The following HHIP variants were observed in gnomAD, a reference collection of about 807,000 sequenced individuals.
HHIP encodes the protein hedgehog interacting protein.
In HHIP, 12 loss-of-function variants were observed where a neutral mutation model predicts 74.0. That is an observed-to-expected ratio of 0.16 (90% CI 0.10 to 0.26). The LOEUF (loss-of-function observed/expected upper bound fraction) is 0.26. Ranked by LOEUF, HHIP falls within the 10% of genes least tolerant of loss-of-function variation. HHIP has a pLI of 1.00. For synonymous variants in HHIP, 309 were observed against 311.6 expected, an observed-to-expected ratio of 0.99 and a Z score of 0.09; for missense variants, 788 against 845.0, an observed-to-expected ratio of 0.93 and a Z score of 0.84.
chr4:144,731,175 CAT>C (rs777305392), intron 11 of HHIP, among the ~76,000 whole-genome samples: 1 of 152,052 alleles, frequency 6.6e-6, no homozygotes, highest in Non-Finnish European at 1.5e-5. Flanking sequence ...CTGAATGGCC[CAT>C]ATTTTCCTAA....
chr4:144,717,725 G>A (rs1730497590), intron 10 of HHIP, among the ~76,000 whole-genome samples: 1 of 151,972 alleles, frequency 6.6e-6, no homozygotes, highest in Non-Finnish European at 1.5e-5. Context: ...AGTTGAGACT[G>A]AGCATCAAGG....
chr4:144,708,707 G>A (rs755542218), intron 7 of HHIP, among the ~76,000 whole-genome samples: 3 of 152,088 alleles, frequency 2.0e-5, no homozygotes, highest in African/African-American at 4.8e-5. Flanking sequence ...ATTACATGGC[G>A]GTGATAATAA....
intron 12 of HHIP, 57 bp downstream of exon 12, chr4:144,734,946 T>G (rs887268422): frequency 7.2e-5 from 106 of 1,479,630 alleles, no homozygotes; most frequent in Non-Finnish European, 8.9e-5. Flanking sequence ...CCTTAGGTAC[T>G]CAAGAACTCA....
intron 11 of HHIP, among the ~76,000 whole-genome samples, chr4:144,731,375 T>C (rs1414180335): frequency 3.9e-5 from 6 of 152,148 alleles, no homozygotes; most frequent in Non-Finnish European, 8.8e-5. Context: ...TCAGAGAGTG[T>C]ATTTGAGAAA....
chr4:144,687,020 T>G (rs556537741), intron 4 of HHIP, among the ~76,000 whole-genome samples: 2 of 151,980 alleles, frequency 1.3e-5, no homozygotes, highest in African/African-American at 4.8e-5. Context: ...AAATAAATCA[T>G]CAAGTCTTCA....
chr4:144,665,316 G>C (rs1220996406), intron 4 of HHIP, among the ~76,000 whole-genome samples: 2 of 152,150 alleles, frequency 1.3e-5, no homozygotes, highest in African/African-American at 4.8e-5. Context: ...CAATGCACCT[G>C]CCTCAGCCTC....
chr4:144,715,173 T>G (rs1028592050), intron 9 of HHIP, 127 bp from the exon 10 acceptor site: 1 of 803,980 alleles, frequency 1.2e-6, no homozygotes, highest in African/African-American at 1.7e-5. Context: ...CTATGTTATT[T>G]TTCCCTTTAG....
intron 4 of HHIP, among the ~76,000 whole-genome samples, chr4:144,697,874 AC>A (rs879663414): frequency 2.0e-5 from 3 of 152,094 alleles, no homozygotes; most frequent in Non-Finnish European, 4.4e-5. Flanking sequence ...CACTTCCAAT[AC>A]GTCCAATATC....
Position 144,738,382 on chromosome 4 carries a change from G to A in HHIP, c.*425G>A, listed in dbSNP as rs1455498365. The A allele has an allele frequency of 1.7e-5, 17 of 973,134 alleles. No homozygotes were observed. The highest frequency in any genetic ancestry group is 2.1e-5 in the Non-Finnish European group (17 of 818,582). 60.3% of individuals were successfully genotyped at this position (973,134 alleles called of 1,614,324 possible). Reference sequence around the variant, plus strand: ...ATCCGATGGATCTAATTAAAAAAAAGGCAATATTTTTATATTAAAGTACTA... The same window carrying A: ...ATCCGATGGATCTAATTAAAAAAAAAGCAATATTTTTATATTAAAGTACTA... On this transcript the variant is annotated 3_prime_UTR_variant, in exon 13 of 13. Coordinates refer to ENST00000296575, the MANE Select transcript of HHIP (RefSeq NM_022475.3).
chr4:144,712,027 G>C lies in HHIP; in HGVS notation c.1379G>C (p.Arg460Thr), dbSNP rs1467612070. The C allele has an allele frequency of 6.2e-7, 1 of 1,612,436 alleles. No homozygotes were observed. The highest frequency in any genetic ancestry group is 8.5e-7 in the Non-Finnish European group (1 of 1,178,654). The change falls in exon 8 of 13, where the codon AGA (arginine) becomes ACA (threonine). Residue 460 changes from arginine (R) to threonine (T), a missense_variant. Around this residue, in one of 3 missense-constraint regions of HHIP, gnomAD observed 343 missense variants for 347.9 expected, o/e 0.99. Coordinates refer to ENST00000296575, the MANE Select transcript of HHIP (RefSeq NM_022475.3). ...ILCSDSNGKN[R>T]SSARILQIIK... ...TGTTCAGACTCCAATGGAAAAAACAGATCATCAGCCAGAATTCTACAGATA... is the reference window on the plus strand; with the variant it reads ...TGTTCAGACTCCAATGGAAAAAACACATCATCAGCCAGAATTCTACAGATA...
chr4:144,675,064 T>C (rs1319589431), intron 4 of HHIP, among the ~76,000 whole-genome samples: 3 of 152,198 alleles, frequency 2.0e-5, no homozygotes, highest in African/African-American at 7.2e-5. Context: ...TAACCACAAT[T>C]TTGTTGTTTA....
chr4:144,692,038 C>T (rs532059074), intron 4 of HHIP, among the ~76,000 whole-genome samples: 9 of 152,160 alleles, frequency 5.9e-5, no homozygotes, highest in African/African-American at 2.2e-4. Context: ...ATTGCTCCTC[C>T]CACCCATCCC....
At chr4:144,728,509 A>T (rs1384516672) in intron 11 of HHIP, among the ~76,000 whole-genome samples, 1 of 152,222 alleles carries the variant, frequency 6.6e-6, no homozygotes. Context: ...TTTATAAGGT[A>T]TATAAATTCA....
intron 4 of HHIP, among the ~76,000 whole-genome samples, chr4:144,700,850 C>T (rs1200613137): frequency 2.0e-5 from 3 of 152,162 alleles, no homozygotes; most frequent in Admixed American, 6.6e-5. Flanking sequence ...GGTAAATTTT[C>T]ATAGCAGCAA....
At chr4:144,737,718 A>G (rs1172335364) in intron 12 of HHIP, 46 bp from the exon 13 acceptor site, 7 of 1,495,602 alleles carry the variant, frequency 4.7e-6, no homozygotes, top group Non-Finnish European at 6.3e-6. Flanking sequence ...CCTGTTTCTG[A>G]CATACAGAAT....
chr4:144,665,412 C>A (rs1560697583), intron 4 of HHIP, among the ~76,000 whole-genome samples: 1 of 152,182 alleles, frequency 6.6e-6, no homozygotes, highest in Non-Finnish European at 1.5e-5. Context: ...GTAGTAATGG[C>A]ATGGCTTTTA....
In HHIP at chr4:144,684,044, CAG is replaced by C. The variant is rs776532788; in HGVS notation, c.832-22484_832-22483del. Among the ~76,000 whole-genome samples, 192 of 145,950 alleles carry C rather than the reference CAG, an allele frequency of 1.3e-3. 1 individual carries two copies. Among genetic ancestry groups the C allele is most frequent in the Middle Eastern group, 3.5e-3 (1 of 282 alleles). On this transcript the variant is annotated intron_variant, in intron 4 of 12. Transcript: ENST00000296575. ...CACCACTGCACTCCAGCCTGAGCGA[CAG>C]AGTGAGACTCCGTCTAAAAAAAAAA...
chr4:144,698,285 C>T (rs1310151485), intron 4 of HHIP, among the ~76,000 whole-genome samples: 1 of 152,140 alleles, frequency 6.6e-6, no homozygotes, highest in Non-Finnish European at 1.5e-5. Flanking sequence ...TGCAGTTATG[C>T]ACTGCATAAA....
intron 4 of HHIP, among the ~76,000 whole-genome samples, chr4:144,687,635 T>C (rs75913310): frequency 8.1e-4 from 124 of 152,192 alleles, no homozygotes; most frequent in Non-Finnish European, 1.5e-3. Context: ...AAGCTGATGC[T>C]TCAGTGTCTT....
Sources: allele counts gnomAD v4.1 joint callset (sites outside exome capture counted in the v4.1 genomes callset), GRCh38; gene constraint gnomAD v4.1.1; regional missense constraint gnomAD v4.1.1; transcripts MANE v1.5; gene names NCBI Gene and HGNC (gene_info 2026-07-23, HGNC 2026-07-21).